The following ADGRB2 variants were observed in gnomAD, a reference collection of about 807,000 sequenced individuals.
The protein encoded by ADGRB2 is brain-specific angiogenesis inhibitor 2.
ADGRB2 carries 47 observed loss-of-function variants against 178.7 expected under a neutral mutation model. That is an observed-to-expected ratio of 0.26 (90% CI 0.21 to 0.34). The LOEUF is 0.34. ADGRB2 is among the 10% of genes least tolerant of loss of function. The pLI is 1.00. For missense variants in ADGRB2, 1,584 were observed against 2,180.8 expected (o/e 0.73, Z 5.45); for synonymous variants, 870 against 912.4 (o/e 0.95, Z 0.84).
At chr1:31,732,397 TCAAA>T (rs1183885179) in intron 27 of ADGRB2, 116 bp downstream of exon 27, 2 of 1,300,954 alleles carry the variant, frequency 1.5e-6, no homozygotes, top group East Asian at 5.0e-5. Flanking sequence ...TGAGCCTGAA[TCAAA>T]CCCAATCCCT....
At chr1:31,746,282 T>A (rs1029333932) in intron 4 of ADGRB2, among the ~76,000 whole-genome samples, 6 of 152,136 alleles carry the variant, frequency 3.9e-5, no homozygotes, top group African/African-American at 1.4e-4. Context: ...ATCATCTCCC[T>A]TCTCTTCACA....
Position 31,756,897 on chromosome 1 carries a change from G to A in ADGRB2, c.22-82C>T. The A allele has an allele frequency of 1.0e-5, 14 of 1,345,010 alleles. No individual in the cohort carries two copies. In the South Asian group the frequency reaches 1.9e-4, roughly 18 times the overall value. 83.3% of individuals were successfully genotyped at this position (1,345,010 alleles called of 1,614,324 possible). On this transcript the variant is annotated intron_variant, in intron 3 of 32. Transcript: ENST00000373658. The surrounding 1 kb of genome is among the most constrained non-coding windows in gnomAD (Gnocchi z 8.5). ...CCTTCTATGGTGAGCTGCGGGAGTG[G>A]GCCTCATAAGTTAAGACCCTGGTCT...
intron 4 of ADGRB2, among the ~76,000 whole-genome samples, chr1:31,752,946 T>C (rs910568509): frequency 6.6e-6 from 1 of 152,094 alleles, no homozygotes; most frequent in Non-Finnish European, 1.5e-5. Context: ...AGGGTGAGCC[T>C]GCAGCAAGCA....
intron 4 of ADGRB2, among the ~76,000 whole-genome samples, chr1:31,749,604 A>G (rs1646455698): frequency 6.6e-6 from 1 of 152,222 alleles, no homozygotes; most frequent in Non-Finnish European, 1.5e-5. Flanking sequence ...CTGGAGCACA[A>G]TCCGCTCTCA....
chr1:31,752,309 C>A (rs1343791047), intron 4 of ADGRB2, among the ~76,000 whole-genome samples: 1 of 152,202 alleles, frequency 6.6e-6, no homozygotes, highest in Non-Finnish European at 1.5e-5. Context: ...CGCTCCCCAC[C>A]CTATGGTAGA....
In ADGRB2 at chr1:31,739,499, G is replaced by A; in HGVS notation, c.2304C>T (p.Leu768=). The change falls in exon 15 of 33, where the codon CTC becomes CTT. Residue 768 remains leucine (L), a synonymous_variant. Coordinates refer to ENST00000373658, the MANE Select transcript of ADGRB2 (RefSeq NM_001364857.2). ...RLFLPKEVLS[L]SSPGKPATSG... is the part of the protein sequence containing the mutation. Reference sequence around the variant, plus strand: ...ATGTGGCTGGCTTCCCTGGGGAGGAGAGGCTGAGCACCTCCTTGGGCAGGA... The same window carrying A: ...ATGTGGCTGGCTTCCCTGGGGAGGAAAGGCTGAGCACCTCCTTGGGCAGGA... 6.2e-7 allele frequency: 1 copy of A among 1,612,882 alleles called. No homozygotes were observed. Among genetic ancestry groups the A allele is most frequent in the Non-Finnish European group, 8.5e-7 (1 of 1,179,826 alleles).
chr1:31,727,170 G>A lies in ADGRB2; in HGVS notation c.*250C>T, dbSNP rs1015457353. Reference sequence around the variant, plus strand: ...AGTTCCCCTCCCCCCTCCCCAGCCCGGGACAGGGACGGACAGGCTGGGCTG... The same window carrying A: ...AGTTCCCCTCCCCCCTCCCCAGCCCAGGACAGGGACGGACAGGCTGGGCTG... On this transcript the variant is annotated 3_prime_UTR_variant, in exon 33 of 33. Coordinates refer to ENST00000373658, the MANE Select transcript of ADGRB2 (RefSeq NM_001364857.2). The surrounding 1 kb of genome is among the most constrained non-coding windows in gnomAD (Gnocchi z 4.4). 1.2e-4 allele frequency: 55 copies of A among 451,940 alleles called. No homozygotes were observed. Among genetic ancestry groups the A allele is most frequent in the Middle Eastern group, 1.1e-3 (2 of 1,764 alleles). The allele number at this position is 451,940 out of a possible 1,614,324, so 28.0% of individuals were successfully genotyped here.
intron 26 of ADGRB2, 26 bp downstream of exon 26, chr1:31,732,946 C>A: frequency 6.5e-7 from 1 of 1,543,606 alleles, no homozygotes; most frequent in Non-Finnish European, 8.7e-7. Context: ...GGTGGGCACA[C>A]ACAGGCGGGA....
chr1:31,759,675 T>G lies in ADGRB2; in HGVS notation c.-190-2164A>C, dbSNP rs1032357139. On this transcript the variant is annotated intron_variant, in intron 1 of 32. Transcript: ENST00000373658. This position sits in a 1 kb window ranked among gnomAD's most constrained non-coding sequence, Gnocchi z 4.3. ...TTTTGGGGCGCCTTTTTATATTACT[T>G]CCCACCATTCAAAATAAGGCAAAGA... Among the ~76,000 whole-genome samples the G allele has an allele frequency of 3.3e-5, 5 of 152,094 alleles. No individual in the cohort carries two copies. Among genetic ancestry groups the G allele is most frequent in the African/African-American group, 1.2e-4 (5 of 41,406 alleles).
rs1645887858 is a variant in ADGRB2 at position 31,740,601 on chromosome 1, C to A, written c.1795-60G>T. 2.0e-6 allele frequency: 3 copies of A among 1,487,270 alleles called. 1 individual carries two copies. The South Asian group carries it at 4.0e-5, about 20-fold the overall frequency. The allele number at this position is 1,487,270 out of a possible 1,614,324, so 92.1% of individuals were successfully genotyped here. A position where few individuals can be genotyped will look rare whatever the true frequency, so the allele number is the denominator to read the frequency against. ...GTCAGGAGCTGGAACCAGACCCTGG[C>A]CCATCCCACTCCAGTCCACCCACTG... is the stretch of plus-strand genomic sequence containing the variant. On this transcript the variant is annotated intron_variant, in intron 11 of 32. Coordinates refer to ENST00000373658, the MANE Select transcript of ADGRB2 (RefSeq NM_001364857.2). The surrounding 1 kb of genome is among the most constrained non-coding windows in gnomAD (Gnocchi z 5.9).
rs750794144 is a variant in ADGRB2, at chr1:31,727,565, T to C, written c.4613A>G (p.His1538Arg). 10 of 1,573,074 alleles carry C rather than the reference T, an allele frequency of 6.4e-6. No individual in the cohort carries two copies. The African/African-American group carries it at 8.3e-5, about 13-fold the overall frequency. Reference sequence around the variant, plus strand: ...GGTGCTCCAGCTCTGATGGCGCCGATGTTGGGACAAGCTGGGGCGCTCCCC... The same window carrying C: ...GGTGCTCCAGCTCTGATGGCGCCGACGTTGGGACAAGCTGGGGCGCTCCCC... ...SPGERPSLSQ[H>R]RRHQSWSTFK... is the part of the protein sequence containing the mutation. The change falls in exon 33 of 33, where the codon CAT becomes CGT. Residue 1538 changes from histidine (H) to arginine (R), a missense_variant. Around this residue, in one of 3 missense-constraint regions of ADGRB2, gnomAD observed 865 missense variants for 1,192.8 expected, o/e 0.73. Transcript: ENST00000373658. The surrounding 1 kb of genome is among the most constrained non-coding windows in gnomAD (Gnocchi z 4.4).
In ADGRB2 at chr1:31,759,443, T is replaced by C. The variant is rs1646976969; in HGVS notation, c.-190-1932A>G. 3.9e-6 allele frequency: 3 copies of C among 770,750 alleles called. No homozygotes were observed. The highest frequency in any genetic ancestry group is 7.3e-6 in the Non-Finnish European group (3 of 412,630). The allele number at this position is 770,750 out of a possible 1,614,324, so 47.7% of individuals were successfully genotyped here. On this transcript the variant is annotated intron_variant, in intron 1 of 32. Coordinates refer to ENST00000373658, the MANE Select transcript of ADGRB2 (RefSeq NM_001364857.2). This position sits in a 1 kb window ranked among gnomAD's most constrained non-coding sequence, Gnocchi z 4.3. Reference sequence around the variant, plus strand: ...CTCCCCTACCCTGCTCCTAGGCTGCTGCTCCCTACTCCACAGCCCCGCCCC... The same window carrying C: ...CTCCCCTACCCTGCTCCTAGGCTGCCGCTCCCTACTCCACAGCCCCGCCCC...
chr1:31,762,336 T>C (rs772589932), intron 1 of ADGRB2, among the ~76,000 whole-genome samples: 1 of 151,966 alleles, frequency 6.6e-6, no homozygotes, highest in African/African-American at 2.4e-5. Context: ...CTCACCCCAG[T>C]AGCAGTGCAG....
rs917630560 is a variant in ADGRB2, at chr1:31,744,350, C to T, written c.930G>A (p.Pro310=). The change falls in exon 6 of 33, where the codon CCG becomes CCA. Residue 310 remains proline, a synonymous_variant. Coordinates refer to ENST00000373658, the MANE Select transcript of ADGRB2 (RefSeq NM_001364857.2). The surrounding 1 kb of genome is among the most constrained non-coding windows in gnomAD (Gnocchi z 6.7). ...TCCACGGGGACCACTCCTCAGCCGC[C>T]GGGTCGCCTACGAGAGAGGGACAGC... ...PGLYMAQTGD[P]AAEEWSPWSV... The T allele has an allele frequency of 3.4e-5, 53 of 1,550,396 alleles. No individual in the cohort carries two copies. The highest frequency in any genetic ancestry group is 4.2e-5 in the Non-Finnish European group (48 of 1,146,854).
Position 31,736,345 on chromosome 1 carries a change from G to A in ADGRB2, c.3176C>T (p.Thr1059Met), listed in dbSNP as rs759449062. The change falls in exon 22 of 33, where the codon ACG (threonine) becomes ATG (methionine). Residue 1059 changes from threonine (T) to methionine (M), a missense_variant. Thr to Met is a moderately conservative substitution (Grantham distance 81). Coordinates refer to ENST00000373658, the MANE Select transcript of ADGRB2 (RefSeq NM_001364857.2). ...CTAGCTGGATGTACCGTATCCTTTCGTTCGGGTAAAGCCAACAGACACGGC... is the reference window on the plus strand; with the variant it reads ...CTAGCTGGATGTACCGTATCCTTTCATTCGGGTAAAGCCAACAGACACGGC... Reference protein sequence around the residue: ...VVAVSVGFTRTKGYGTSSYCW... With the variant: ...VVAVSVGFTRMKGYGTSSYCW... The A allele has an allele frequency of 3.9e-5, 63 of 1,613,970 alleles. No homozygotes were observed. Among genetic ancestry groups the A allele is most frequent in the Non-Finnish European group, 4.6e-5 (54 of 1,180,002 alleles).
At chr1:31,737,554 G>A (rs1191783709) in intron 19 of ADGRB2, 23 bp from the exon 20 acceptor site, 1 of 1,612,228 alleles carries the variant, frequency 6.2e-7, no homozygotes, top group African/African-American at 1.3e-5. Flanking sequence ...AGCAGGCAGG[G>A]ACAGAGGCGC....
chr1:31,748,154 C>T (rs1425087255), intron 4 of ADGRB2, among the ~76,000 whole-genome samples: 1 of 152,240 alleles, frequency 6.6e-6, no homozygotes, highest in Non-Finnish European at 1.5e-5. Flanking sequence ...CATCTGCTGG[C>T]CAGCCCCACA....
At chr1:31,729,740 A>T (rs1007877347) in intron 29 of ADGRB2, among the ~76,000 whole-genome samples, 1 of 152,166 alleles carries the variant, frequency 6.6e-6, no homozygotes, top group African/African-American at 2.4e-5. Context: ...TGCCTCCCAC[A>T]CAAGGAGCCT....
Position 31,744,831 on chromosome 1 carries a change from C to A in ADGRB2, c.839-100G>T. 1.3e-5 allele frequency: 14 copies of A among 1,051,748 alleles called. No individual in the cohort carries two copies. The highest frequency in any genetic ancestry group is 2.0e-5 in the Non-Finnish European group (14 of 683,950). 65.2% of individuals were successfully genotyped at this position (1,051,748 alleles called of 1,614,324 possible). A position where few individuals can be genotyped will look rare whatever the true frequency, so the allele number is the denominator to read the frequency against. On this transcript the variant is annotated intron_variant, in intron 4 of 32. Coordinates refer to ENST00000373658, the MANE Select transcript of ADGRB2 (RefSeq NM_001364857.2). This position sits in a 1 kb window ranked among gnomAD's most constrained non-coding sequence, Gnocchi z 6.7. ...CCTTCCTTGCCCTCCGCCTGAGGGC[C>A]TGGAACCAACTGCATGATGCTCTCT...
Sources: gnomAD v4.1 joint callset for allele counts (sites outside exome capture counted in the v4.1 genomes callset) on GRCh38, gnomAD v4.1.1 for gene constraint, gnomAD v4.1.1 regional missense constraint, Gnocchi (gnomAD v3.1) non-coding constraint, MANE v1.5 for transcripts, NCBI Gene and HGNC (gene_info 2026-07-23, HGNC 2026-07-21) for gene names.